The following ASB7 variants were observed in gnomAD, a reference collection of about 807,000 sequenced individuals.
ASB7 encodes ankyrin repeat and SOCS box containing 7.
ASB7 carries 4 observed loss-of-function variants against 32.5 expected under a neutral mutation model. The ratio of observed to expected loss-of-function variants is 0.12; its 90% CI spans 0.06 to 0.28. The LOEUF (loss-of-function observed/expected upper bound fraction) is 0.28, where lower values mean the gene tolerates loss of function less well. Ranked by LOEUF, ASB7 falls within the 10% of genes least tolerant of loss-of-function variation. ASB7 has a pLI of 1.00. For missense variants in ASB7, 181 were observed against 407.1 expected, an observed-to-expected ratio of 0.44 and a Z score of 4.78; for synonymous variants, 172 against 155.6, an observed-to-expected ratio of 1.11 and a Z score of -0.78.
rs145148585 is a variant in ASB7 at position 100,607,492 on chromosome 15, G to T, written c.-173-2215G>T. 8.7e-4 allele frequency among the ~76,000 whole-genome samples: 133 copies of T among 152,340 alleles called. 1 individual carries two copies. The highest frequency in any genetic ancestry group is 3.2e-3 in the African/African-American group (132 of 41,558). On this transcript the variant is annotated intron_variant, in intron 2 of 5. Coordinates refer to ENST00000332783, the MANE Select transcript of ASB7 (RefSeq NM_198243.3). ...ATTTTCTGTCGTAATTCAAAGCAGT[G>T]TAGCTGACAGGGATCATGTGTGCAT...
At chr15:100,632,152 A>G (rs2039888404) in intron 5 of ASB7, among the ~76,000 whole-genome samples, 1 of 152,226 alleles carries the variant, frequency 6.6e-6, no homozygotes, top group South Asian at 2.1e-4. Flanking sequence ...GCAGATAGAA[A>G]TGTCAGTGGG....
chr15:100,626,165 C>T (rs895864627), intron 4 of ASB7, among the ~76,000 whole-genome samples: 2 of 152,090 alleles, frequency 1.3e-5, no homozygotes, highest in African/African-American at 4.8e-5. Flanking sequence ...AAGAGTTTTG[C>T]TCTTCAAAAC....
At chr15:100,646,828 C>T (rs1010599362) in intron 5 of ASB7, among the ~76,000 whole-genome samples, 1 of 152,188 alleles carries the variant, frequency 6.6e-6, no homozygotes, top group Non-Finnish European at 1.5e-5. Flanking sequence ...TCCTGATTTT[C>T]ATAATAACAC....
Position 100,633,088 on chromosome 15 carries a change from C to T in ASB7, c.817+3046C>T, listed in dbSNP as rs535092347. Among the ~76,000 whole-genome samples, 6 of 151,858 alleles carry T rather than the reference C, an allele frequency of 4.0e-5. No individual in the cohort carries two copies. The South Asian group carries it at 1.2e-3, about 32-fold the overall frequency. On this transcript the variant is annotated intron_variant, in intron 5 of 5. Transcript: ENST00000332783. ...CTTCTCTGTGCCCAGGAATGATAAA[C>T]ACAGCTAAGAGGAGCCATAGCACCT...
At chr15:100,614,576 A>G (rs1475518844) in intron 4 of ASB7, among the ~76,000 whole-genome samples, 1 of 152,072 alleles carries the variant, frequency 6.6e-6, no homozygotes, top group Admixed American at 6.5e-5. Context: ...TGTTCCAGTA[A>G]AACTTTATCA....
At position 100,628,095 on chromosome 15, in the gene ASB7, T is replaced by C. The variant is rs1259258917; in HGVS notation, c.212-1342T>C. Among the ~76,000 whole-genome samples, 5 of 152,338 alleles carry C rather than the reference T, an allele frequency of 3.3e-5. No homozygotes were observed. The South Asian group carries it at 8.3e-4, about 25-fold the overall frequency. ...CTTTCAGTTAAGACCAAGGTAGATA[T>C]AATGCCCTTATTTCCCCTAAATAGA... On this transcript the variant is annotated intron_variant, in intron 4 of 5. Coordinates refer to ENST00000332783, the MANE Select transcript of ASB7 (RefSeq NM_198243.3).
At chr15:100,623,712 C>T (rs1409785746) in intron 4 of ASB7, among the ~76,000 whole-genome samples, 1 of 151,906 alleles carries the variant, frequency 6.6e-6, no homozygotes, top group Non-Finnish European at 1.5e-5. Context: ...ACTATGTAAT[C>T]CAGCAGTCAA....
intron 4 of ASB7, among the ~76,000 whole-genome samples, chr15:100,614,473 C>T (rs2039724619): frequency 6.6e-6 from 1 of 152,034 alleles, no homozygotes; most frequent in Non-Finnish European, 1.5e-5. Flanking sequence ...ACATGAGAGG[C>T]TTTGTGTGCC....
At chr15:100,609,164 T>G (rs923057159) in intron 2 of ASB7, among the ~76,000 whole-genome samples, 12 of 152,226 alleles carry the variant, frequency 7.9e-5, no homozygotes, top group Non-Finnish European at 1.3e-4. Flanking sequence ...GTTCGGTGTA[T>G]GCATAAAGGA....
chr15:100,634,898 A>G (rs780979991), intron 5 of ASB7, among the ~76,000 whole-genome samples: 2 of 152,216 alleles, frequency 1.3e-5, no homozygotes, highest in Non-Finnish European at 2.9e-5. Flanking sequence ...GTCCAGTGGA[A>G]GGTAAGATAG....
Position 100,603,017 on chromosome 15 carries a change from G to A in ASB7, c.-302G>A. On this transcript the variant is annotated 5_prime_UTR_variant, in exon 1 of 6. Coordinates refer to ENST00000332783, the MANE Select transcript of ASB7 (RefSeq NM_198243.3). The stretch of plus-strand genomic sequence containing the variant: ...TGGTGAGTGTAGAGGAGGCTGAAAG[G>A]AGGAAGAGAAGCAGCAGCTGAGGAG... The A allele has an allele frequency of 2.5e-6, 1 of 399,378 alleles. No individual in the cohort carries two copies. The highest frequency in any genetic ancestry group is 3.6e-5 in the East Asian group (1 of 28,082). The allele number at this position is 399,378 out of a possible 1,614,324, so 24.7% of individuals were successfully genotyped here.
intron 5 of ASB7, among the ~76,000 whole-genome samples, chr15:100,632,269 G>A (rs1203870292): frequency 1.3e-5 from 2 of 152,178 alleles, no homozygotes; most frequent in Admixed American, 6.5e-5. Context: ...CACAGCGAGG[G>A]GTGGGGACTG....
At chr15:100,641,804 G>T (rs1009781441) in intron 5 of ASB7, among the ~76,000 whole-genome samples, 2 of 152,168 alleles carry the variant, frequency 1.3e-5, no homozygotes, top group Non-Finnish European at 2.9e-5. Flanking sequence ...GTATTTACCT[G>T]GTACTTAGTA....
rs1038598083 is a variant in ASB7, at chr15:100,649,438, T to A, written c.*976T>A. ...AAAATTTTGTACCCTGGTGGTCGAG[T>A]CTTCCCTTAAAAATTGTTAAATCAT... On this transcript the variant is annotated 3_prime_UTR_variant, in exon 6 of 6. Transcript: ENST00000332783. 3 of 152,154 alleles carry A rather than the reference T, an allele frequency of 2.0e-5. No individual in the cohort carries two copies. The highest frequency in any genetic ancestry group is 4.4e-5 in the Non-Finnish European group (3 of 68,028). The allele number at this position is 152,154 out of a possible 1,614,324, so 9.4% of individuals were successfully genotyped here.
intron 4 of ASB7, among the ~76,000 whole-genome samples, chr15:100,624,037 G>A (rs2039815460): frequency 6.6e-6 from 1 of 152,182 alleles, no homozygotes; most frequent in South Asian, 2.1e-4. Flanking sequence ...GTCATCATGT[G>A]AGGTGAAATA....
At chr15:100,604,030 G>T (rs531657340) in intron 2 of ASB7, among the ~76,000 whole-genome samples, 37 of 152,276 alleles carry the variant, frequency 2.4e-4, no homozygotes, top group Middle Eastern at 6.8e-3. Flanking sequence ...TTACACCTCA[G>T]ATTTTCTAGG....
At chr15:100,642,603 C>G (rs1404374407) in intron 5 of ASB7, among the ~76,000 whole-genome samples, 1 of 128,584 alleles carries the variant, frequency 7.8e-6, no homozygotes, top group African/African-American at 2.5e-5. Flanking sequence ...GCCCCACTTT[C>G]AGGTCCCAGA....
chr15:100,637,816 G>T (rs951571897), intron 5 of ASB7, among the ~76,000 whole-genome samples: 6 of 152,230 alleles, frequency 3.9e-5, no homozygotes, highest in Non-Finnish European at 8.8e-5. Context: ...AGTCAAGACA[G>T]CATGTTGTAA....
At chr15:100,611,955 G>A (rs1051773524) in intron 3 of ASB7, among the ~76,000 whole-genome samples, 1 of 151,586 alleles carries the variant, frequency 6.6e-6, no homozygotes, top group Admixed American at 6.6e-5. Context: ...AAGTAGCTGG[G>A]ACTGATCCCC....
Sources: gnomAD v4.1 joint callset for allele counts (sites outside exome capture counted in the v4.1 genomes callset) on GRCh38, gnomAD v4.1.1 for gene constraint, MANE v1.5 for transcripts, NCBI Gene and HGNC (gene_info 2026-07-23, HGNC 2026-07-21) for gene names.